CTTN: variants seen among roughly 807,000 people sequenced by gnomAD.
CTTN encodes cortactin.
Under a neutral mutation model 84.0 loss-of-function variants are expected in CTTN, and 28 were observed. That is an observed-to-expected ratio of 0.33 (90% CI 0.25 to 0.46). The LOEUF (loss-of-function observed/expected upper bound fraction) is 0.46, where lower values mean the gene tolerates loss of function less well. CTTN is among the 20% of genes least tolerant of loss of function. CTTN has a pLI of 1.00. For synonymous variants in CTTN, 301 were observed against 288.8 expected (o/e 1.04, Z -0.43); for missense variants, 641 against 723.8 (o/e 0.89, Z 1.31).
At chr11:70,415,816 TG>T in intron 7 of CTTN, 99 bp downstream of exon 7, 1 of 1,206,040 alleles carries the variant, frequency 8.3e-7, no homozygotes, top group Non-Finnish European at 1.2e-6. Flanking sequence ...GGGGCCCTGA[TG>T]GGGAGAGTCA....
intron 11 of CTTN, chr11:70,422,347 A>C: frequency 4.7e-6 from 2 of 428,796 alleles, no homozygotes; most frequent in South Asian, 3.6e-5. Flanking sequence ...GTGGGCAGGT[A>C]GACACACCTG....
At chr11:70,419,594 C>T in intron 8 of CTTN, 152 bp from the exon 9 acceptor site, 2 of 629,754 alleles carry the variant, frequency 3.2e-6, no homozygotes, top group East Asian at 2.9e-5. Context: ...TGTTATTACA[C>T]ATAAATAGCA....
chr11:70,412,240 A>G (rs571645772), intron 5 of CTTN, among the ~76,000 whole-genome samples: 1 of 152,174 alleles, frequency 6.6e-6, no homozygotes, highest in African/African-American at 2.4e-5. Flanking sequence ...CAGCCTGGGC[A>G]ACATAGCAAG....
At chr11:70,434,078 T>A (rs749631929) in intron 17 of CTTN, among the ~76,000 whole-genome samples, 3 of 152,178 alleles carry the variant, frequency 2.0e-5, no homozygotes, top group East Asian at 1.9e-4. Flanking sequence ...GATGCCTTGA[T>A]GTTCGAGACC....
rs1365749850 is a variant in CTTN at position 70,422,601 on chromosome 11, G to T, written c.902-339G>T. 3.8e-6 allele frequency: 5 copies of T among 1,326,940 alleles called. No homozygotes were observed. The East Asian group carries it at 1.4e-4, about 38-fold the overall frequency. 82.2% of individuals were successfully genotyped at this position (1,326,940 alleles called of 1,614,324 possible). A position where few individuals can be genotyped will look rare whatever the true frequency, so the allele number is the denominator to read the frequency against. ...AGAATAAGCCCGTGCTGGTGCGGAA[G>T]ACTGTGCTATTGAAGTGGCGCGTTG... On this transcript the variant is annotated intron_variant, in intron 11 of 17. Coordinates refer to ENST00000301843, the MANE Select transcript of CTTN (RefSeq NM_005231.4).
chr11:70,411,821 C>G (rs1296455958), intron 5 of CTTN, among the ~76,000 whole-genome samples: 2 of 152,232 alleles, frequency 1.3e-5, no homozygotes, highest in African/African-American at 4.8e-5. Context: ...CTGCTTCCCT[C>G]ATGAGCTGTC....
chr11:70,427,470 ACT>A (rs1268492626), intron 13 of CTTN, among the ~76,000 whole-genome samples: 1 of 152,234 alleles, frequency 6.6e-6, no homozygotes, highest in Non-Finnish European at 1.5e-5. Context: ...AGATGGCTGC[ACT>A]CTCACATCTG....
At position 70,409,759 on chromosome 11, in the gene CTTN, T is replaced by C. The variant is rs1024135044; in HGVS notation, c.162-72T>C. On this transcript the variant is annotated intron_variant, in intron 4 of 17. Transcript: ENST00000301843. ...ACAAAGATAATGTCACCTGTTCTTA[T>C]TTATCATACCAGGAGGCAAAGCTGC... The C allele has an allele frequency of 4.6e-6, 7 of 1,506,516 alleles. No individual in the cohort carries two copies. The East Asian group carries it at 6.8e-5, about 15-fold the overall frequency. 93.3% of individuals were successfully genotyped at this position (1,506,516 alleles called of 1,614,324 possible).
intron 8 of CTTN, 27 bp downstream of exon 8, chr11:70,417,150 C>T: frequency 6.4e-7 from 1 of 1,565,330 alleles, no homozygotes; most frequent in South Asian, 1.1e-5. Context: ...GGTCTGTAAT[C>T]ACGCGTTTGC....
In CTTN at chr11:70,436,312, G is replaced by A. The variant is rs758599881; in HGVS notation, c.*1150G>A. The A allele has an allele frequency of 5.0e-6, 8 of 1,598,152 alleles. No homozygotes were observed. Among genetic ancestry groups the A allele is most frequent in the East Asian group, 4.5e-5 (2 of 44,878 alleles). The stretch of plus-strand genomic sequence containing the variant: ...TCATCTCCTTCCTGAGGAGCCGGGA[G>A]GCTGGACCAGTCCCGTCGTGCAGTC... On this transcript the variant is annotated 3_prime_UTR_variant, in exon 18 of 18. Transcript: ENST00000301843.
chr11:70,407,946 G>A, intron 4 of CTTN: 2 of 228,778 alleles, frequency 8.7e-6, no homozygotes, highest in South Asian at 8.9e-5. Context: ...TCTAAAGTAT[G>A]AGATGTCTGA....
chr11:70,430,800 G>A (rs1397708385), intron 14 of CTTN, among the ~76,000 whole-genome samples: 2 of 152,284 alleles, frequency 1.3e-5, no homozygotes, highest in South Asian at 2.1e-4. Flanking sequence ...CTATCTAATC[G>A]TGTGTGGGCG....
chr11:70,420,862 A>T (rs1300333552), intron 10 of CTTN, among the ~76,000 whole-genome samples: 1 of 151,642 alleles, frequency 6.6e-6, no homozygotes, highest in African/African-American at 2.4e-5. Context: ...TCAGGCCTGC[A>T]GCGGGGGGCT....
chr11:70,403,954 C>T (rs986348138), intron 1 of CTTN, among the ~76,000 whole-genome samples: 14 of 152,154 alleles, frequency 9.2e-5, no homozygotes, highest in African/African-American at 3.1e-4. Flanking sequence ...GATCATGGCT[C>T]ACTGCAACCT....
rs548950291 is a variant in CTTN, at chr11:70,411,893, C to T, written c.291+1933C>T. 5.3e-5 allele frequency among the ~76,000 whole-genome samples: 8 copies of T among 152,254 alleles called. No homozygotes were observed. The South Asian group carries it at 1.2e-3, about 24-fold the overall frequency. ...CCTCCGGGCTGGGCTTTTCAAGGGT[C>T]GGGACTTGTCATCCTCACCTTGTGC... On this transcript the variant is annotated intron_variant, in intron 5 of 17. Coordinates refer to ENST00000301843, the MANE Select transcript of CTTN (RefSeq NM_005231.4).
At chr11:70,422,431 C>G in intron 11 of CTTN, 1 of 1,110,550 alleles carries the variant, frequency 9.0e-7, no homozygotes, top group Non-Finnish European at 1.2e-6. Flanking sequence ...GTGTGACTTT[C>G]ATGTGGATCT....
chr11:70,423,820 C>T (rs1486339672), intron 12 of CTTN, among the ~76,000 whole-genome samples: 3 of 152,194 alleles, frequency 2.0e-5, no homozygotes, highest in Non-Finnish European at 1.5e-5. Context: ...ATCTGACGTG[C>T]GTGGCCCCAG....
At chr11:70,421,715 C>A (rs778712263) in intron 11 of CTTN, 135 bp downstream of exon 11, 5 of 680,982 alleles carry the variant, frequency 7.3e-6, no homozygotes, top group African/African-American at 3.6e-5. Context: ...TCAGGCTGTT[C>A]GGCACTTTAA....
intron 15 of CTTN, 108 bp downstream of exon 15, chr11:70,431,388 T>C: frequency 8.3e-7 from 1 of 1,203,982 alleles, no homozygotes; most frequent in Non-Finnish European, 1.2e-6. Flanking sequence ...GGCGTGGGTG[T>C]AGAGGGCATC....
Sources: gnomAD v4.1 joint callset for allele counts (sites outside exome capture counted in the v4.1 genomes callset) on GRCh38, gnomAD v4.1.1 for gene constraint, MANE v1.5 for transcripts, NCBI Gene and HGNC (gene_info 2026-07-23, HGNC 2026-07-21) for gene names.